The following PRKN variants were observed in gnomAD, a reference collection of about 807,000 sequenced individuals.
The protein encoded by PRKN is E3 ubiquitin-protein ligase parkin.
In PRKN, 56 loss-of-function variants were observed where a neutral mutation model predicts 59.5. The ratio of observed to expected loss-of-function variants is 0.94; its 90% CI spans 0.76 to 1.18. The LOEUF (loss-of-function observed/expected upper bound fraction) is 1.18, where lower values mean the gene tolerates loss of function less well. Ranked by LOEUF, PRKN falls within the 50% of genes most tolerant of loss-of-function variation. The pLI is 0.00. For missense variants in PRKN, 657 were observed against 596.4 expected (o/e 1.10, Z -1.06); for synonymous variants, 250 against 222.1 (o/e 1.13, Z -1.12).
chr6:161,438,063 T>C (rs1789008984), intron 9 of PRKN, among the ~76,000 whole-genome samples: 1 of 152,136 alleles, frequency 6.6e-6, no homozygotes. Context: ...GGTATGTGGG[T>C]CCGTGATGCT....
At chr6:162,071,543 G>A (rs540714046) in intron 4 of PRKN, among the ~76,000 whole-genome samples, 111 of 151,870 alleles carry the variant, frequency 7.3e-4, no homozygotes, top group African/African-American at 2.5e-3. Flanking sequence ...TCATGGGCAT[G>A]GGCAGACAGT....
intron 1 of PRKN, among the ~76,000 whole-genome samples, chr6:162,706,634 G>A (rs957538866): frequency 6.6e-6 from 1 of 152,184 alleles, no homozygotes; most frequent in Admixed American, 6.5e-5. Context: ...TGGTGCTTCA[G>A]TTTCCTCCTG....
intron 6 of PRKN, among the ~76,000 whole-genome samples, chr6:161,874,011 ATATTATATGTAAAAT>A (rs1407392251): frequency 0.071 from 4,392 of 61,430 alleles, 1,204 homozygotes; most frequent in South Asian, 0.11. Flanking sequence ...TATAAAATAT[ATATTATATGTAAAAT>A]ATATATAAAA....
Position 161,592,479 on chromosome 6 carries a change from T to C in PRKN, c.872-23063A>G, listed in dbSNP as rs9355914. Among the ~76,000 whole-genome samples the C allele has an allele frequency of 0.52, 79,106 of 151,988 alleles. 21,568 individuals are homozygous for C. The highest frequency in any genetic ancestry group is 0.65 in the East Asian group (3,374 of 5,154). ...GATATTAATGTTCTGATTATGCCTA[T>C]ATTCCTTCTACAAATATATATGGCA... On this transcript the variant is annotated intron_variant, in intron 7 of 11. Coordinates refer to ENST00000366898, the MANE Select transcript of PRKN (RefSeq NM_004562.3). This position sits in a 1 kb window ranked among gnomAD's most constrained non-coding sequence, Gnocchi z 4.8.
At chr6:161,978,016 GTATTT>G (rs141793186) in intron 5 of PRKN, among the ~76,000 whole-genome samples, 25 of 148,598 alleles carry the variant, frequency 1.7e-4, no homozygotes, top group Admixed American at 2.7e-4. Context: ...TTATTTTATT[GTATTT>G]TATTTTATTG....
At chr6:162,491,897 CT>C (rs540969340) in intron 1 of PRKN, among the ~76,000 whole-genome samples, 210 of 152,302 alleles carry the variant, frequency 1.4e-3, no homozygotes, top group African/African-American at 4.3e-3. Flanking sequence ...AAATAAACTG[CT>C]GCTGAGAAGC....
intron 9 of PRKN, among the ~76,000 whole-genome samples, chr6:161,505,924 T>C (rs1583164962): frequency 1.3e-5 from 2 of 151,726 alleles, no homozygotes; most frequent in African/African-American, 2.4e-5. Flanking sequence ...TTTTGGTTAC[T>C]GTAGCCTTGT....
intron 4 of PRKN, among the ~76,000 whole-genome samples, chr6:162,118,543 G>A (rs1780774268): frequency 6.6e-6 from 1 of 152,090 alleles, no homozygotes; most frequent in South Asian, 2.1e-4. Flanking sequence ...ACAAACACAT[G>A]GCAGGTATAC....
chr6:161,638,801 G>T (rs1783627459), intron 7 of PRKN, among the ~76,000 whole-genome samples: 1 of 142,672 alleles, frequency 7.0e-6, no homozygotes, highest in Non-Finnish European at 1.5e-5. Context: ...GAGTGCAGTG[G>T]CACGATCTCG....
intron 6 of PRKN, among the ~76,000 whole-genome samples, chr6:161,892,786 T>C (rs983312044): frequency 6.6e-5 from 10 of 152,174 alleles, no homozygotes; most frequent in African/African-American, 2.4e-4. Context: ...TTAATGGTCA[T>C]TTTGTGAAAT....
chr6:162,637,125 C>T (rs372628565), intron 1 of PRKN, among the ~76,000 whole-genome samples: 3 of 151,924 alleles, frequency 2.0e-5, no homozygotes, highest in African/African-American at 7.2e-5. Context: ...GGCGTGGTGG[C>T]GGGTGCCTAT....
chr6:162,727,552 C>A, intron 1 of PRKN, 110 bp downstream of exon 1: 1 of 1,219,850 alleles, frequency 8.2e-7, no homozygotes, highest in Non-Finnish European at 1.2e-6. Context: ...CACTTTGGCC[C>A]CGTCATTGAC....
intron 9 of PRKN, among the ~76,000 whole-genome samples, chr6:161,481,685 G>C (rs892312014): frequency 6.6e-6 from 1 of 152,148 alleles, no homozygotes; most frequent in Non-Finnish European, 1.5e-5. Flanking sequence ...AAAGAGGGTA[G>C]GTAGTGAATC....
intron 4 of PRKN, among the ~76,000 whole-genome samples, chr6:162,138,699 G>T (rs78683981): frequency 6.6e-6 from 1 of 151,956 alleles, no homozygotes; most frequent in Non-Finnish European, 1.5e-5. Flanking sequence ...AGTGAGTGTT[G>T]AAAGTCTCAA....
At chr6:162,441,556 C>T (rs1476762911) in intron 2 of PRKN, among the ~76,000 whole-genome samples, 1 of 152,100 alleles carries the variant, frequency 6.6e-6, no homozygotes, top group Non-Finnish European at 1.5e-5. Flanking sequence ...TATATTATAG[C>T]TATTAGGTTG....
At chr6:162,085,861 G>C (rs1779225354) in intron 4 of PRKN, among the ~76,000 whole-genome samples, 1 of 151,408 alleles carries the variant, frequency 6.6e-6, no homozygotes, top group African/African-American at 2.5e-5. Flanking sequence ...TCTCAGAACT[G>C]AGAGATTTTA....
intron 2 of PRKN, among the ~76,000 whole-genome samples, chr6:162,284,230 T>C (rs1334233815): frequency 7.0e-6 from 1 of 142,736 alleles, no homozygotes; most frequent in African/African-American, 2.6e-5. Context: ...TTTTTTTTTT[T>C]TTTTTTTTTT....
chr6:162,262,528 G>A lies in PRKN; in HGVS notation c.409C>T (p.Pro137Ser), dbSNP rs1779933576. The part of the protein sequence containing the change: ...SRKDSPPAGS[P>S]AGRSIYNSFY... ...AATCTTAGAGCATTCCAATTACCTG[G>A]ACTTCCAGCTGGTGGTGAGTCCTTC... Residue 137 changes from proline (P) to serine (S), a missense_variant, in exon 3 of 12, where the codon CCA becomes TCA. Physicochemically the swap from Pro to Ser is moderately conservative, Grantham distance 74 (BLOSUM62 -1). Coordinates refer to ENST00000366898, the MANE Select transcript of PRKN (RefSeq NM_004562.3). 6.2e-7 allele frequency: 1 copy of A among 1,613,868 alleles called. No individual in the cohort carries two copies. Among genetic ancestry groups the A allele is most frequent in the Admixed American group, 1.7e-5 (1 of 59,988 alleles).
chr6:162,193,444 TACTC>T (rs1466957150), intron 4 of PRKN, among the ~76,000 whole-genome samples: 3 of 152,168 alleles, frequency 2.0e-5, no homozygotes, highest in Non-Finnish European at 4.4e-5. Context: ...ATAAAATACT[TACTC>T]AGTCCACCTT....
Sources: allele counts gnomAD v4.1 joint callset (sites outside exome capture counted in the v4.1 genomes callset), GRCh38; gene constraint gnomAD v4.1.1; non-coding constraint Gnocchi (gnomAD v3.1); transcripts MANE v1.5; gene names NCBI Gene and HGNC (gene_info 2026-07-23, HGNC 2026-07-21).